Variants in PHF14 observed in about 807,000 individuals in gnomAD.
PHF14 encodes PHD finger protein 14.
Under a neutral mutation model 117.9 loss-of-function variants are expected in PHF14, and 55 were observed. The observed-to-expected ratio is 0.47, with a 90% CI of 0.38 to 0.58. The LOEUF (loss-of-function observed/expected upper bound fraction) is 0.58. PHF14 is among the 20% of genes least tolerant of loss of function. The pLI is 0.00. For missense variants in PHF14, 978 were observed against 1,122.2 expected (o/e 0.87, Z 1.84); for synonymous variants, 409 against 368.6 (o/e 1.11, Z -1.26).
intron 17 of PHF14, among the ~76,000 whole-genome samples, chr7:11,139,585 A>T (rs1432762723): frequency 6.6e-6 from 1 of 152,174 alleles, no homozygotes; most frequent in Non-Finnish European, 1.5e-5. Context: ...AATTTAAAGG[A>T]TTTTACCAAG....
At chr7:11,061,422 G>A (rs1216253995) in intron 14 of PHF14, 2 of 157,094 alleles carry the variant, frequency 1.3e-5, no homozygotes, top group Admixed American at 6.4e-5. Flanking sequence ...TAGCATTTCA[G>A]CTATATAAGT....
rs748866067 is a variant in PHF14 at position 10,982,497 on chromosome 7, C to A, written c.238C>A (p.Gln80Lys). Residue 80 changes from glutamine to lysine, a missense_variant, in exon 3 of 18, where the codon CAA becomes AAA. By Grantham distance (53) the Gln-to-Lys change is moderately conservative (BLOSUM62 1). Coordinates refer to ENST00000634607, the MANE Select transcript of PHF14 (RefSeq NM_001007157.2). ...LNEDIKVKEE[Q>K]LKNSAEEEVL... ...TGAAGATATTAAAGTAAAAGAAGAA[C>A]AACTTAAAAATTCTGCAGAGGAAGA... The A allele has an allele frequency of 1.2e-5, 19 of 1,568,048 alleles. 1 individual carries two copies. The highest frequency in any genetic ancestry group is 1.7e-4 in the Middle Eastern group (1 of 5,996).
At chr7:11,061,601 T>G in intron 14 of PHF14, 190 bp from the exon 15 acceptor site, 1 of 387,954 alleles carries the variant, frequency 2.6e-6, no homozygotes. Context: ...ATTTGTTACT[T>G]TTTATTTCCT....
At chr7:11,056,074 T>G (rs1437676165) in intron 14 of PHF14, among the ~76,000 whole-genome samples, 1 of 152,166 alleles carries the variant, frequency 6.6e-6, no homozygotes. Flanking sequence ...AAAACCTCTA[T>G]CTGTCATAGA....
intron 16 of PHF14, among the ~76,000 whole-genome samples, chr7:11,096,688 C>A (rs1212170066): frequency 1.3e-5 from 2 of 152,062 alleles, no homozygotes; most frequent in Non-Finnish European, 2.9e-5. Context: ...AAAAGTAGAC[C>A]TTTAAGAACT....
rs544011266 is a variant in PHF14, at chr7:11,038,804, T to G, written c.2025T>G (p.Leu675=). 3 of 1,600,320 alleles carry G rather than the reference T, an allele frequency of 1.9e-6. No homozygotes were observed. The South Asian group carries it at 3.4e-5, about 18-fold the overall frequency. ...AACTACAAAACCTGAATGGAAAACT[T>G]CGAAGTGAAGGACAAGGAATATGGG... The part of the protein sequence containing the change: ...LEELQNLNGK[L]RSEGQGIWAL... The change falls in exon 11 of 18, where the codon CTT becomes CTG. Residue 675 remains leucine, a synonymous_variant. Coordinates refer to ENST00000634607, the MANE Select transcript of PHF14 (RefSeq NM_001007157.2).
intron 11 of PHF14, among the ~76,000 whole-genome samples, chr7:11,039,315 T>A (rs1435112834): frequency 6.6e-6 from 1 of 152,136 alleles, no homozygotes; most frequent in Non-Finnish European, 1.5e-5. Context: ...GTTAATTTGG[T>A]TTTCAGCTGT....
At chr7:11,151,592 G>A (rs1788703003) in intron 17 of PHF14, among the ~76,000 whole-genome samples, 1 of 151,944 alleles carries the variant, frequency 6.6e-6, no homozygotes, top group African/African-American at 2.4e-5. Context: ...TTTTGTTGTT[G>A]TTGTTCTTAA....
At position 11,074,947 on chromosome 7, in the gene PHF14, T is replaced by C. The variant is rs958137133; in HGVS notation, c.2654+12862T>C. ...CATATTTTCAGATATCTTTTTTTTT[T>C]TTTTTTTTTAGATGGAGTCTTGCTC... On this transcript the variant is annotated intron_variant, in intron 16 of 17. Coordinates refer to ENST00000634607, the MANE Select transcript of PHF14 (RefSeq NM_001007157.2). Among the ~76,000 whole-genome samples, 4 of 151,558 alleles carry C rather than the reference T, an allele frequency of 2.6e-5. No individual in the cohort carries two copies. In the East Asian group the frequency reaches 5.8e-4, roughly 22 times the overall value.
chr7:11,035,859 T>C (rs960437227), intron 8 of PHF14, 73 bp downstream of exon 8: 10 of 1,148,438 alleles, frequency 8.7e-6, no homozygotes, highest in Middle Eastern at 2.0e-4. Context: ...TCGTGTGGCT[T>C]CCAGTGACAT....
Position 10,990,683 on chromosome 7 carries a change from T to C in PHF14, c.901-20T>C. On this transcript the variant is annotated intron_variant, in intron 3 of 17. Coordinates refer to ENST00000634607, the MANE Select transcript of PHF14 (RefSeq NM_001007157.2). ...ACTTTAAATGTGATTTTCTGATATA[T>C]GTTAATATTTTAATATTAGGACTCG... 7.0e-7 allele frequency: 1 copy of C among 1,424,894 alleles called. No individual in the cohort carries two copies. The highest frequency in any genetic ancestry group is 9.5e-7 in the Non-Finnish European group (1 of 1,047,698). The allele number at this position is 1,424,894 out of a possible 1,614,324, so 88.3% of individuals were successfully genotyped here.
chr7:11,134,269 C>T (rs899315248), intron 17 of PHF14, among the ~76,000 whole-genome samples: 1 of 151,840 alleles, frequency 6.6e-6, no homozygotes, highest in Non-Finnish European at 1.5e-5. Context: ...TGTGAGTGAA[C>T]ATTTTGCCGC....
chr7:11,022,105 C>G (rs1372095685), intron 5 of PHF14, among the ~76,000 whole-genome samples: 1 of 152,046 alleles, frequency 6.6e-6, no homozygotes, highest in East Asian at 1.9e-4. Context: ...AAAAAAGGTT[C>G]AGAGCAGTTT....
rs757308090 is a variant in PHF14 at position 11,061,978 on chromosome 7, A to G, written c.2547A>G (p.Arg849=). 1.5e-5 allele frequency: 24 copies of G among 1,598,310 alleles called. No individual in the cohort carries two copies. The highest frequency in any genetic ancestry group is 1.3e-5 in the African/African-American group (1 of 74,592). ...EEEKHEERVP[R]ERRQRQSVLQ... Reference sequence around the variant, plus strand: ...TTGTATGGCAGGAAAGAGTTCCTAGAGAGAGAAGACAAAGACAGTCTGTGT... The same window carrying G: ...TTGTATGGCAGGAAAGAGTTCCTAGGGAGAGAAGACAAAGACAGTCTGTGT... The change falls in exon 16 of 18, where the codon AGA becomes AGG. Residue 849 remains arginine, a synonymous_variant. Coordinates refer to ENST00000634607, the MANE Select transcript of PHF14 (RefSeq NM_001007157.2).
intron 16 of PHF14, among the ~76,000 whole-genome samples, chr7:11,099,521 C>A (rs892380904): frequency 6.6e-6 from 1 of 151,682 alleles, no homozygotes; most frequent in African/African-American, 2.4e-5. Context: ...AAATAGTTCT[C>A]ATTTTACACT....
At chr7:11,005,779 T>G (rs1783059957) in intron 4 of PHF14, among the ~76,000 whole-genome samples, 2 of 146,870 alleles carry the variant, frequency 1.4e-5, no homozygotes, top group Non-Finnish European at 3.0e-5. Flanking sequence ...TACCTAGAAG[T>G]AAAAATTCTT....
At chr7:11,085,846 G>A (rs1033163993) in intron 16 of PHF14, among the ~76,000 whole-genome samples, 2 of 151,344 alleles carry the variant, frequency 1.3e-5, no homozygotes, top group African/African-American at 4.9e-5. Context: ...GATAAGTACA[G>A]TTTTTTTTAA....
At chr7:11,062,857 AAGTTCTTAC>A (rs1785279775) in intron 16 of PHF14, 6 of 984,880 alleles carry the variant, frequency 6.1e-6, no homozygotes, top group South Asian at 9.4e-5. Flanking sequence ...AGTGTCACAA[AAGTTCTTAC>A]AGTTCTTACA....
chr7:11,117,252 A>G (rs1787623803), intron 17 of PHF14, among the ~76,000 whole-genome samples: 1 of 151,916 alleles, frequency 6.6e-6, no homozygotes, highest in African/African-American at 2.4e-5. Context: ...AGTATACATG[A>G]CAGGTCATTA....
Sources: gnomAD v4.1 joint callset for allele counts (sites outside exome capture counted in the v4.1 genomes callset) on GRCh38, gnomAD v4.1.1 for gene constraint, MANE v1.5 for transcripts, NCBI Gene and HGNC (gene_info 2026-07-23, HGNC 2026-07-21) for gene names.